Variants in SPOCK1 observed in about 807,000 individuals in gnomAD.
SPOCK1 encodes SPARC (osteonectin), cwcv and kazal like domains proteoglycan 1, also known as testican-1.
A neutral mutation model predicts 55.3 loss-of-function variants in SPOCK1; 23 were observed. The ratio of observed to expected loss-of-function variants is 0.42; its 90% CI spans 0.30 to 0.59. SPOCK1 has a LOEUF of 0.59. SPOCK1 is among the 20% of genes least tolerant of loss of function. The pLI, the probability that SPOCK1 is intolerant of heterozygous loss-of-function variation, is 0.22. For synonymous variants in SPOCK1, 226 were observed against 221.0 expected, an observed-to-expected ratio of 1.02 and a Z score of -0.20; for missense variants, 499 against 552.5, an observed-to-expected ratio of 0.90 and a Z score of 0.97.
intron 3 of SPOCK1, among the ~76,000 whole-genome samples, chr5:137,157,704 C>G (rs774482542): frequency 6.6e-6 from 1 of 152,162 alleles, no homozygotes; most frequent in Non-Finnish European, 1.5e-5. Flanking sequence ...TATGAATGAG[C>G]AGAAACTATG....
intron 3 of SPOCK1, among the ~76,000 whole-genome samples, chr5:137,261,012 C>T (rs753715213): frequency 1.4e-4 from 22 of 152,254 alleles, no homozygotes; most frequent in Non-Finnish European, 2.5e-4. Flanking sequence ...CCAGACCAAA[C>T]ATGAGCGAGC....
intron 7 of SPOCK1, among the ~76,000 whole-genome samples, chr5:136,990,445 G>T (rs1750926683): frequency 1.3e-5 from 2 of 151,410 alleles, no homozygotes; most frequent in Non-Finnish European, 2.9e-5. Context: ...AAAAAATGTT[G>T]GGAGACGTTT....
At chr5:137,129,852 T>A (rs538044790) in intron 4 of SPOCK1, among the ~76,000 whole-genome samples, 2 of 152,330 alleles carry the variant, frequency 1.3e-5, no homozygotes, top group South Asian at 4.1e-4. Context: ...ATTGTTTAGC[T>A]ACACCTACAT....
chr5:137,018,596 C>A (rs1286688669), intron 6 of SPOCK1, among the ~76,000 whole-genome samples: 3 of 152,042 alleles, frequency 2.0e-5, no homozygotes, highest in Non-Finnish European at 2.9e-5. Context: ...GGCAAATCAC[C>A]CCTTCCCCCC....
intron 2 of SPOCK1, 89 bp from the exon 3 acceptor site, chr5:137,267,144 C>T: frequency 9.4e-7 from 1 of 1,067,786 alleles, no homozygotes; most frequent in Non-Finnish European, 1.4e-6. Flanking sequence ...TTTCACCTCC[C>T]AAAACACAAA....
chr5:137,002,529 C>T (rs1751171854), intron 6 of SPOCK1, among the ~76,000 whole-genome samples: 1 of 151,912 alleles, frequency 6.6e-6, no homozygotes, highest in South Asian at 2.1e-4. Context: ...GTTTAAAATG[C>T]CAAGTCTGGC....
At chr5:137,430,671 T>C (rs1752725181) in intron 2 of SPOCK1, among the ~76,000 whole-genome samples, 1 of 152,226 alleles carries the variant, frequency 6.6e-6, no homozygotes, top group African/African-American at 2.4e-5. Flanking sequence ...GATTTTGACA[T>C]AAAATTTGTT....
At chr5:137,046,315 T>C (rs1752104287) in intron 6 of SPOCK1, among the ~76,000 whole-genome samples, 1 of 135,108 alleles carries the variant, frequency 7.4e-6, no homozygotes, top group Admixed American at 7.5e-5. Flanking sequence ...TCCTCTTTTA[T>C]TTCCTTGAGC....
At chr5:137,203,260 T>C (rs1163146246) in intron 3 of SPOCK1, among the ~76,000 whole-genome samples, 1 of 151,908 alleles carries the variant, frequency 6.6e-6, no homozygotes, top group African/African-American at 2.4e-5. Context: ...AGTCAACAGA[T>C]GATCTAGTGT....
intron 2 of SPOCK1, among the ~76,000 whole-genome samples, chr5:137,343,318 C>A (rs753846790): frequency 6.6e-6 from 1 of 152,202 alleles, no homozygotes; most frequent in African/African-American, 2.4e-5. Flanking sequence ...TACTGAGGAC[C>A]CTCTTGTCTA....
intron 2 of SPOCK1, among the ~76,000 whole-genome samples, chr5:137,480,303 TCACACACACACACACA>T (rs6149262): frequency 1.3e-3 from 176 of 140,218 alleles, no homozygotes; most frequent in African/African-American, 4.5e-3. Context: ...TTGCTCTCCT[TCACACACACACACACA>T]CACACACACA....
chr5:137,011,717 A>T (rs1019728039), intron 6 of SPOCK1, among the ~76,000 whole-genome samples: 3 of 152,222 alleles, frequency 2.0e-5, no homozygotes, highest in African/African-American at 7.2e-5. Flanking sequence ...AGCCACTGTT[A>T]TGGACTTTAG....
chr5:137,486,260 G>C (rs1331208027), intron 2 of SPOCK1, among the ~76,000 whole-genome samples: 3 of 152,176 alleles, frequency 2.0e-5, no homozygotes, highest in Non-Finnish European at 2.9e-5. Context: ...ATGTATGCCA[G>C]GAAGAGTTGA....
At chr5:137,314,684 C>T (rs574843093) in intron 2 of SPOCK1, among the ~76,000 whole-genome samples, 1 of 152,274 alleles carries the variant, frequency 6.6e-6, no homozygotes, top group South Asian at 2.1e-4. Flanking sequence ...CCTTAGCTAT[C>T]GGTTTACTGC....
Position 137,496,635 on chromosome 5 carries a change from A to C in SPOCK1, c.186+1738T>G, listed in dbSNP as rs538822614. On this transcript the variant is annotated intron_variant, in intron 2 of 10. Coordinates refer to ENST00000394945, the MANE Select transcript of SPOCK1 (RefSeq NM_004598.4). The stretch of plus-strand genomic sequence containing the variant: ...TAAAAGATAGCCATAGAAAAGTAAA[A>C]ACAAAACAAAACAAAAAGCAAAATT... 1.8e-4 allele frequency among the ~76,000 whole-genome samples: 28 copies of C among 152,318 alleles called. No individual in the cohort carries two copies. The South Asian group carries it at 4.4e-3, about 24-fold the overall frequency.
At chr5:137,345,758 G>C (rs1426534700) in intron 2 of SPOCK1, among the ~76,000 whole-genome samples, 1 of 152,218 alleles carries the variant, frequency 6.6e-6, no homozygotes, top group Non-Finnish European at 1.5e-5. Flanking sequence ...CATTAAGGTT[G>C]AGGCCCCTAA....
At chr5:137,287,968 C>G (rs1458929948) in intron 2 of SPOCK1, among the ~76,000 whole-genome samples, 1 of 152,168 alleles carries the variant, frequency 6.6e-6, no homozygotes, top group Non-Finnish European at 1.5e-5. Context: ...AATCAATAAT[C>G]AAGAAGAAGG....
chr5:137,258,470 C>A (rs1194233058), intron 3 of SPOCK1, among the ~76,000 whole-genome samples: 1 of 152,212 alleles, frequency 6.6e-6, no homozygotes, highest in African/African-American at 2.4e-5. Context: ...GCAGCCATTT[C>A]CTGATTGGGA....
chr5:136,985,331 CTATGCAAGAAAACAAATTCGGGCCAT>C (rs1750817755), intron 8 of SPOCK1, 129 bp from the exon 9 acceptor site: 1 of 910,778 alleles, frequency 1.1e-6, no homozygotes, highest in Non-Finnish European at 1.8e-6. Context: ...TATGCTGTTA[CTATGCAAGAAAACAAATTCGGGCCAT>C]TAGTGTTACT....
Sources: gnomAD v4.1 joint callset for allele counts (sites outside exome capture counted in the v4.1 genomes callset) on GRCh38, gnomAD v4.1.1 for gene constraint, MANE v1.5 for transcripts, NCBI Gene and HGNC (gene_info 2026-07-23, HGNC 2026-07-21) for gene names.